NPSR1: variants seen among roughly 807,000 people sequenced by gnomAD.
The protein encoded by NPSR1 is neuropeptide S receptor.
In NPSR1, 48 loss-of-function variants were observed where a neutral mutation model predicts 46.9. That is an observed-to-expected ratio of 1.02 (90% confidence interval 0.81 to 1.30). The LOEUF (loss-of-function observed/expected upper bound fraction) is 1.30, where lower values mean the gene tolerates loss of function less well. Among genes scored for constraint, NPSR1 ranks in the 50% most tolerant of loss-of-function variants. The pLI is 0.00. For missense variants in NPSR1, 450 were observed against 449.5 expected, an observed-to-expected ratio of 1.00 and a Z score of -0.01; for synonymous variants, 176 against 168.1, an observed-to-expected ratio of 1.05 and a Z score of -0.36.
chr7:34,859,633 ACAT>A (rs1791138987), intron 8 of NPSR1, among the ~76,000 whole-genome samples: 1 of 151,730 alleles, frequency 6.6e-6, no homozygotes, highest in African/African-American at 2.4e-5. Flanking sequence ...TGTAACTCAA[ACAT>A]CATCATAACT....
intron 2 of NPSR1, among the ~76,000 whole-genome samples, chr7:34,740,809 C>G (rs1186785039): frequency 6.6e-6 from 1 of 152,132 alleles, no homozygotes; most frequent in East Asian, 1.9e-4. Context: ...TGTGGGTTCT[C>G]TCGGCTTTCC....
intron 3 of NPSR1, among the ~76,000 whole-genome samples, chr7:34,802,009 T>G (rs147782119): frequency 0.067 from 9,929 of 148,364 alleles, 1,498 homozygotes; most frequent in African/African-American, 0.23. Context: ...AACTTACAAG[T>G]GACGTGAAGG....
intron 7 of NPSR1, among the ~76,000 whole-genome samples, chr7:34,847,551 C>G (rs1387339451): frequency 6.6e-6 from 1 of 152,114 alleles, no homozygotes; most frequent in Non-Finnish European, 1.5e-5. Flanking sequence ...GCCTGAAAAC[C>G]AGGAGAATGG....
At chr7:34,791,491 T>A (rs1483495543) in intron 3 of NPSR1, among the ~76,000 whole-genome samples, 2 of 150,602 alleles carry the variant, frequency 1.3e-5, no homozygotes, top group Non-Finnish European at 3.0e-5. Context: ...TACGTAGAAA[T>A]GAAGTTAATC....
At position 34,823,399 on chromosome 7, in the gene NPSR1, G is replaced by GAAAAAAAAAAAAA. The variant is rs577186339; in HGVS notation, c.479-3997_479-3985dup. Among the ~76,000 whole-genome samples the GAAAAAAAAAAAAA allele has an allele frequency of 1.9e-4, 13 of 68,272 alleles. No individual in the cohort carries two copies. The East Asian group carries it at 4.8e-3, about 25-fold the overall frequency. 44.8% of individuals were successfully genotyped at this position (68,272 alleles called of 152,430 possible). On this transcript the variant is annotated intron_variant, in intron 4 of 8. Coordinates refer to ENST00000360581, the MANE Select transcript of NPSR1 (RefSeq NM_207172.2). ...TTGGCAACAGAGCAAGACTTCACCA[G>GAAAAAAAAAAAAA]AAAAAAAAAAAAAAAAACAACACCA...
chr7:34,699,903 T>C (rs1057347778), intron 2 of NPSR1, among the ~76,000 whole-genome samples: 3 of 152,188 alleles, frequency 2.0e-5, no homozygotes, highest in Non-Finnish European at 2.9e-5. Context: ...GAGCTTCATA[T>C]GTCTTGCTAA....
intron 2 of NPSR1, among the ~76,000 whole-genome samples, chr7:34,729,962 T>A (rs769727715): frequency 6.6e-6 from 1 of 152,106 alleles, no homozygotes; most frequent in Non-Finnish European, 1.5e-5. Context: ...TTAGTAGCAA[T>A]GGGGTTTCAC....
chr7:34,864,937 A>C (rs543433573), intron 8 of NPSR1, among the ~76,000 whole-genome samples: 2 of 151,874 alleles, frequency 1.3e-5, no homozygotes, highest in East Asian at 1.9e-4. Context: ...AGCCTCCCTT[A>C]TGGTTAACTC....
At chr7:34,671,899 T>C (rs11285223) in intron 1 of NPSR1, among the ~76,000 whole-genome samples, 37,675 of 101,904 alleles carry the variant, frequency 0.37, 4,899 homozygotes, top group African/African-American at 0.49. Context: ...AAGTGGGCCC[T>C]CCAGGGGAAA....
At position 34,847,394 on chromosome 7, in the gene NPSR1, A is replaced by G. The variant is rs75627149; in HGVS notation, c.845-1089A>G. Reference sequence around the variant, plus strand: ...CTGTGTCGTAGTCTGTGCTTTCCAGAGGAAAATGAGAGAGAGAGAGAGAGA... The same window carrying G: ...CTGTGTCGTAGTCTGTGCTTTCCAGGGGAAAATGAGAGAGAGAGAGAGAGA... On this transcript the variant is annotated intron_variant, in intron 7 of 8. Coordinates refer to ENST00000360581, the MANE Select transcript of NPSR1 (RefSeq NM_207172.2). 2.4e-3 allele frequency among the ~76,000 whole-genome samples: 334 copies of G among 139,320 alleles called. 9 individuals carry two copies. The East Asian group carries it at 0.051, about 21-fold the overall frequency. The allele number at this position is 139,320 out of a possible 152,430, so 91.4% of individuals were successfully genotyped here. A position where few individuals can be genotyped will look rare whatever the true frequency, so the allele number is the denominator to read the frequency against.
At chr7:34,865,123 A>C (rs1489865006) in intron 8 of NPSR1, among the ~76,000 whole-genome samples, 2 of 151,932 alleles carry the variant, frequency 1.3e-5, no homozygotes, top group Non-Finnish European at 2.9e-5. Context: ...ACCAGATGGA[A>C]GAACACTAGG....
At chr7:34,699,872 G>C (rs1044079346) in intron 2 of NPSR1, among the ~76,000 whole-genome samples, 2 of 152,180 alleles carry the variant, frequency 1.3e-5, no homozygotes, top group African/African-American at 4.8e-5. Context: ...AGTAGCAAAA[G>C]GTGGGGTGGG....
intron 2 of NPSR1, among the ~76,000 whole-genome samples, chr7:34,701,298 AATCAGC>A (rs1793818571): frequency 6.6e-6 from 1 of 152,222 alleles, no homozygotes; most frequent in Non-Finnish European, 1.5e-5. Flanking sequence ...GAGTTTTATT[AATCAGC>A]AAAGATACAC....
intron 2 of NPSR1, among the ~76,000 whole-genome samples, chr7:34,769,293 G>T (rs1309717577): frequency 6.6e-6 from 1 of 151,914 alleles, no homozygotes; most frequent in Admixed American, 6.6e-5. Context: ...TTTAACATAC[G>T]TTTCTTCCTT....
chr7:34,746,464 G>C (rs2128721514), intron 2 of NPSR1, among the ~76,000 whole-genome samples: 1 of 152,278 alleles, frequency 6.6e-6, no homozygotes, highest in Admixed American at 6.5e-5. Flanking sequence ...AGTTATGTAT[G>C]TATGTATAAA....
At chr7:34,827,687 A>G (rs1459775912) in intron 5 of NPSR1, 85 bp downstream of exon 5, 5 of 889,412 alleles carry the variant, frequency 5.6e-6, no homozygotes, top group East Asian at 3.2e-5. Context: ...CTCCTCCCCA[A>G]CAGACCCATT....
intron 8 of NPSR1, among the ~76,000 whole-genome samples, chr7:34,862,759 G>C (rs1232419449): frequency 6.6e-6 from 1 of 151,656 alleles, no homozygotes; most frequent in Non-Finnish European, 1.5e-5. Flanking sequence ...CAATATAAGT[G>C]GGGTGACCAT....
At chr7:34,865,744 G>A (rs992903688) in intron 8 of NPSR1, among the ~76,000 whole-genome samples, 2 of 151,578 alleles carry the variant, frequency 1.3e-5, no homozygotes, top group Admixed American at 1.3e-4. Flanking sequence ...CCAGTCACAT[G>A]GTCCCCTTTG....
intron 1 of NPSR1, among the ~76,000 whole-genome samples, chr7:34,678,779 T>C (rs938556485): frequency 3.4e-5 from 5 of 149,060 alleles, no homozygotes; most frequent in African/African-American, 1.3e-4. Context: ...TGAGCCGAGA[T>C]TGCGCCACTG....
Sources: gnomAD v4.1 joint callset for allele counts (sites outside exome capture counted in the v4.1 genomes callset) on GRCh38, gnomAD v4.1.1 for gene constraint, MANE v1.5 for transcripts, NCBI Gene and HGNC (gene_info 2026-07-23, HGNC 2026-07-21) for gene names.